The following MYO1D variants were observed in gnomAD, a reference collection of about 807,000 sequenced individuals.
The protein encoded by MYO1D is unconventional myosin-Id.
Under a neutral mutation model 122.0 loss-of-function variants are expected in MYO1D, and 83 were observed. That is an observed-to-expected ratio of 0.68 (90% confidence interval 0.57 to 0.82). The LOEUF (loss-of-function observed/expected upper bound fraction) is 0.82. MYO1D is among the 40% of genes least tolerant of loss of function. MYO1D has a pLI of 0.00. For synonymous variants in MYO1D, 464 were observed against 446.9 expected (o/e 1.04, Z -0.48); for missense variants, 1,157 against 1,269.5 (o/e 0.91, Z 1.35).
At chr17:32,545,037 T>C (rs2086954464) in intron 21 of MYO1D, among the ~76,000 whole-genome samples, 2 of 152,212 alleles carry the variant, frequency 1.3e-5, no homozygotes. Context: ...CTCTGCTTAG[T>C]GTAGGGGAGC....
intron 1 of MYO1D, among the ~76,000 whole-genome samples, chr17:32,829,087 T>G (rs1055726419): frequency 7.9e-5 from 12 of 152,172 alleles, no homozygotes; most frequent in Non-Finnish European, 1.5e-4. Context: ...TATGCTATGG[T>G]GTGTGCCAAA....
At chr17:32,580,378 T>G (rs1374069518) in intron 21 of MYO1D, among the ~76,000 whole-genome samples, 1 of 103,218 alleles carries the variant, frequency 9.7e-6, no homozygotes. Context: ...ACTGAGATTG[T>G]TTTTTTTTTT....
At chr17:32,608,917 G>T (rs920748402) in intron 20 of MYO1D, among the ~76,000 whole-genome samples, 1 of 152,206 alleles carries the variant, frequency 6.6e-6, no homozygotes, top group Non-Finnish European at 1.5e-5. Context: ...AAAGGTTACA[G>T]CCTGTGTGAC....
chr17:32,664,353 T>C (rs565159454), intron 16 of MYO1D, among the ~76,000 whole-genome samples: 10 of 152,332 alleles, frequency 6.6e-5, no homozygotes, highest in Non-Finnish European at 1.2e-4. Flanking sequence ...GCTTAAACTG[T>C]TGAGTTTGTT....
At chr17:32,871,006 G>A (rs1050285449) in intron 1 of MYO1D, among the ~76,000 whole-genome samples, 1 of 152,190 alleles carries the variant, frequency 6.6e-6, no homozygotes, top group Non-Finnish European at 1.5e-5. Context: ...GAGCACATGA[G>A]AATGTGACAT....
At chr17:32,630,316 G>A (rs1160882608) in intron 20 of MYO1D, among the ~76,000 whole-genome samples, 1 of 151,930 alleles carries the variant, frequency 6.6e-6, no homozygotes, top group Non-Finnish European at 1.5e-5. Context: ...TTCCCATCTT[G>A]GCCTCCCAAA....
At chr17:32,617,312 G>A (rs950444887) in intron 20 of MYO1D, among the ~76,000 whole-genome samples, 7 of 152,138 alleles carry the variant, frequency 4.6e-5, no homozygotes, top group African/African-American at 1.4e-4. Flanking sequence ...CCCCACTGAG[G>A]TGTCAGTCAC....
intron 1 of MYO1D, among the ~76,000 whole-genome samples, chr17:32,821,232 T>C (rs1265227095): frequency 6.6e-6 from 1 of 152,178 alleles, no homozygotes; most frequent in Admixed American, 6.5e-5. Context: ...TGGATGCAAG[T>C]ATATATAATT....
At position 32,643,122 on chromosome 17, in the gene MYO1D, T is replaced by C. The variant is rs569793923; in HGVS notation, c.2596-4287A>G. On this transcript the variant is annotated intron_variant, in intron 19 of 21. Coordinates refer to ENST00000318217, the MANE Select transcript of MYO1D (RefSeq NM_015194.3). ...ATCAATACCTAATTTATTTAGAGTGTTTAGCATGAAGCGCTGTTGAATTTT... is the reference window on the plus strand; with the variant it reads ...ATCAATACCTAATTTATTTAGAGTGCTTAGCATGAAGCGCTGTTGAATTTT... Among the ~76,000 whole-genome samples the C allele has an allele frequency of 1.6e-4, 25 of 152,344 alleles. No individual in the cohort carries two copies. In the East Asian group the frequency reaches 4.8e-3, roughly 29 times the overall value.
chr17:32,875,073 T>G (rs2091217015), intron 1 of MYO1D, among the ~76,000 whole-genome samples: 1 of 152,104 alleles, frequency 6.6e-6, no homozygotes, highest in South Asian at 2.1e-4. Flanking sequence ...TTGCTGGAGG[T>G]GAAAGATGGA....
chr17:32,512,705 C>G (rs370795087), intron 21 of MYO1D, among the ~76,000 whole-genome samples: 2 of 152,242 alleles, frequency 1.3e-5, no homozygotes, highest in Non-Finnish European at 2.9e-5. Flanking sequence ...GGGAGACAGC[C>G]TGGTGTACCA....
At chr17:32,730,864 A>T (rs906223593) in intron 14 of MYO1D, among the ~76,000 whole-genome samples, 2 of 150,342 alleles carry the variant, frequency 1.3e-5, no homozygotes, top group African/African-American at 4.9e-5. Flanking sequence ...TAACTCTGAT[A>T]AGATACATGT....
chr17:32,659,973 T>C (rs1028265066), intron 16 of MYO1D, among the ~76,000 whole-genome samples: 2 of 152,198 alleles, frequency 1.3e-5, no homozygotes, highest in African/African-American at 2.4e-5. Context: ...CATCCAAGCA[T>C]GGTAAAGTCA....
At chr17:32,571,649 A>G (rs1189946700) in intron 21 of MYO1D, among the ~76,000 whole-genome samples, 2 of 152,178 alleles carry the variant, frequency 1.3e-5, no homozygotes, top group Non-Finnish European at 2.9e-5. Flanking sequence ...TTTCTAGCAT[A>G]TTTTAAAATG....
At chr17:32,766,491 G>C (rs1309581102) in intron 7 of MYO1D, among the ~76,000 whole-genome samples, 2 of 152,066 alleles carry the variant, frequency 1.3e-5, no homozygotes, top group Admixed American at 6.6e-5. Context: ...AGAATCAACA[G>C]GTCAAGTTAA....
At chr17:32,679,443 G>A (rs2088873844) in intron 16 of MYO1D, among the ~76,000 whole-genome samples, 1 of 152,032 alleles carries the variant, frequency 6.6e-6, no homozygotes. Flanking sequence ...TGTATAAGGT[G>A]TAAGGAAGGG....
chr17:32,612,838 G>A (rs564717538), intron 20 of MYO1D, among the ~76,000 whole-genome samples: 126 of 151,706 alleles, frequency 8.3e-4, no homozygotes, highest in Non-Finnish European at 1.5e-3. Flanking sequence ...GCACGATCTC[G>A]GCTCACTGCA....
intron 20 of MYO1D, among the ~76,000 whole-genome samples, chr17:32,607,816 TAGATC>T (rs1280693251): frequency 6.6e-6 from 1 of 151,810 alleles, no homozygotes; most frequent in Non-Finnish European, 1.5e-5. Context: ...AAAAAAAACA[TAGATC>T]AGAAACAGAC....
At chr17:32,535,156 C>A (rs954284213) in intron 21 of MYO1D, among the ~76,000 whole-genome samples, 1 of 152,050 alleles carries the variant, frequency 6.6e-6, no homozygotes, top group African/African-American at 2.4e-5. Context: ...ATTAGAGGTT[C>A]TTTTTCAGTC....
Sources: gnomAD v4.1 joint callset for allele counts (sites outside exome capture counted in the v4.1 genomes callset) on GRCh38, gnomAD v4.1.1 for gene constraint, MANE v1.5 for transcripts, NCBI Gene and HGNC (gene_info 2026-07-23, HGNC 2026-07-21) for gene names.